Variants in MALRD1 observed in about 807,000 individuals in gnomAD.
The protein encoded by MALRD1 is MAM and LDL-receptor class A domain-containing protein 1.
MALRD1 carries 247 observed loss-of-function variants against 242.1 expected under a neutral mutation model. The ratio of observed to expected loss-of-function variants is 1.02; its 90% CI spans 0.92 to 1.13. MALRD1 has a LOEUF of 1.13. Ranked by LOEUF, MALRD1 falls within the 50% of genes most tolerant of loss-of-function variation. The pLI is 0.00. For missense variants in MALRD1, 2,989 were observed against 2,533.1 expected, an observed-to-expected ratio of 1.18 and a Z score of -3.86; for synonymous variants, 995 against 866.6, an observed-to-expected ratio of 1.15 and a Z score of -2.60.
At chr10:19,222,394 A>C (rs891667716) in intron 18 of MALRD1, among the ~76,000 whole-genome samples, 2 of 152,124 alleles carry the variant, frequency 1.3e-5, no homozygotes, top group Non-Finnish European at 2.9e-5. Context: ...TTGAAATTTC[A>C]ACTGTGGGAT....
At chr10:19,592,763 G>GCA (rs1554808910) in intron 33 of MALRD1, among the ~76,000 whole-genome samples, 158 of 93,302 alleles carry the variant, frequency 1.7e-3, no homozygotes, top group African/African-American at 4.8e-3. Context: ...ACACACACAC[G>GCA]CACGCACACA....
At chr10:19,705,110 ATAT>A (rs1156930350) in intron 38 of MALRD1, among the ~76,000 whole-genome samples, 1 of 152,176 alleles carries the variant, frequency 6.6e-6, no homozygotes, top group Non-Finnish European at 1.5e-5. Flanking sequence ...TGTTCCTGTA[ATAT>A]TATATTCTCT....
chr10:19,269,281 G>A (rs1324474649), intron 19 of MALRD1, among the ~76,000 whole-genome samples: 1 of 152,212 alleles, frequency 6.6e-6, no homozygotes, highest in Non-Finnish European at 1.5e-5. Context: ...AGGTCATGAG[G>A]ATGAGGTTCT....
intron 8 of MALRD1, among the ~76,000 whole-genome samples, chr10:19,130,997 G>A (rs555452438): frequency 1.1e-4 from 16 of 152,218 alleles, no homozygotes; most frequent in African/African-American, 3.6e-4. Flanking sequence ...CCAAATGGAT[G>A]TACATCTTAG....
At chr10:19,132,758 T>A (rs956714913) in intron 8 of MALRD1, among the ~76,000 whole-genome samples, 4 of 152,168 alleles carry the variant, frequency 2.6e-5, no homozygotes, top group African/African-American at 9.7e-5. Flanking sequence ...AATTCATGCA[T>A]TCTATATGTA....
chr10:19,632,828 A>G (rs1339962161), intron 36 of MALRD1, among the ~76,000 whole-genome samples: 1 of 152,198 alleles, frequency 6.6e-6, no homozygotes, highest in African/African-American at 2.4e-5. Flanking sequence ...TGTTTAGATT[A>G]AGGTAGAATG....
chr10:19,547,094 G>T (rs966989869), intron 32 of MALRD1, among the ~76,000 whole-genome samples: 1 of 152,084 alleles, frequency 6.6e-6, no homozygotes, highest in African/African-American at 2.4e-5. Flanking sequence ...GCCTCTAAGT[G>T]TCGGGCTAAC....
At chr10:19,717,665 C>T (rs1834452321) in intron 38 of MALRD1, among the ~76,000 whole-genome samples, 1 of 152,146 alleles carries the variant, frequency 6.6e-6, no homozygotes. Context: ...AAGTCCAGAG[C>T]CCACACTTTG....
At chr10:19,389,204 A>G (rs908830284) in intron 27 of MALRD1, 7 of 593,524 alleles carry the variant, frequency 1.2e-5, no homozygotes, top group African/African-American at 7.3e-5. Flanking sequence ...ATGCGACGGC[A>G]TAAATATCCC....
At chr10:19,370,739 G>A (rs985621155) in intron 26 of MALRD1, among the ~76,000 whole-genome samples, 1 of 151,832 alleles carries the variant, frequency 6.6e-6, no homozygotes, top group African/African-American at 2.4e-5. Context: ...CACCATCCTG[G>A]CTAATTTTTG....
chr10:19,582,633 G>A (rs1837188829), intron 33 of MALRD1, among the ~76,000 whole-genome samples: 1 of 134,842 alleles, frequency 7.4e-6, no homozygotes, highest in South Asian at 2.5e-4. Flanking sequence ...TAGCCTTGTA[G>A]TATAGTTTGA....
intron 36 of MALRD1, among the ~76,000 whole-genome samples, chr10:19,688,089 C>T (rs771803214): frequency 3.3e-5 from 5 of 152,046 alleles, no homozygotes; most frequent in Admixed American, 6.6e-5. Flanking sequence ...CCTGCCTCAG[C>T]CTCCCACGTC....
At chr10:19,286,713 G>C (rs1376928205) in intron 21 of MALRD1, among the ~76,000 whole-genome samples, 1 of 151,230 alleles carries the variant, frequency 6.6e-6, no homozygotes, top group Non-Finnish European at 1.5e-5. Flanking sequence ...AGGACCAGAT[G>C]GATTCACAGC....
intron 18 of MALRD1, among the ~76,000 whole-genome samples, chr10:19,214,552 T>C (rs1837220897): frequency 6.6e-6 from 1 of 152,224 alleles, no homozygotes; most frequent in South Asian, 2.1e-4. Context: ...TGAGACTCTC[T>C]GCTTATTTTG....
intron 24 of MALRD1, among the ~76,000 whole-genome samples, chr10:19,339,798 A>T (rs985533482): frequency 6.6e-6 from 1 of 152,162 alleles, no homozygotes; most frequent in Non-Finnish European, 1.5e-5. Flanking sequence ...ATATTAGTTC[A>T]TTCTCACGCT....
intron 36 of MALRD1, among the ~76,000 whole-genome samples, chr10:19,630,258 A>G (rs538482623): frequency 9.6e-4 from 146 of 152,302 alleles, no homozygotes; most frequent in African/African-American, 3.4e-3. Context: ...GTTTTTATAT[A>G]TGGTTATATA....
intron 10 of MALRD1, among the ~76,000 whole-genome samples, chr10:19,143,339 T>G (rs1361132434): frequency 6.6e-6 from 1 of 152,212 alleles, no homozygotes; most frequent in Non-Finnish European, 1.5e-5. Context: ...AGTCATATGG[T>G]ACTTTCCATT....
At chr10:19,515,553 T>A (rs540087101) in intron 31 of MALRD1, among the ~76,000 whole-genome samples, 78 of 151,564 alleles carry the variant, frequency 5.1e-4, no homozygotes, top group South Asian at 4.4e-3. Flanking sequence ...CTCTTTTTTT[T>A]AATTTTTATT....
chr10:19,285,099 G>C (rs1841041505), intron 21 of MALRD1, among the ~76,000 whole-genome samples: 3 of 135,742 alleles, frequency 2.2e-5, no homozygotes, highest in Non-Finnish European at 1.5e-5. Flanking sequence ...TGTTGGGGTT[G>C]TTTGTTTTTT....
Sources: gnomAD v4.1 joint callset for allele counts (sites outside exome capture counted in the v4.1 genomes callset) on GRCh38, gnomAD v4.1.1 for gene constraint, MANE v1.5 for transcripts, NCBI Gene and HGNC (gene_info 2026-07-23, HGNC 2026-07-21) for gene names.